FAM111B: variants seen among roughly 807,000 people sequenced by gnomAD.
The protein encoded by FAM111B is FAM111 trypsin like peptidase B, also known as serine protease FAM111B.
A neutral mutation model predicts 2.8 loss-of-function variants in FAM111B; 1 was observed. The observed-to-expected ratio is 0.36, with a 90% CI of 0.13 to 1.70. The LOEUF (loss-of-function observed/expected upper bound fraction) is 1.70, where lower values mean the gene tolerates loss of function less well. FAM111B is among the 40% of genes most tolerant of loss of function. The pLI, the probability that FAM111B is intolerant of heterozygous loss-of-function variation, is 0.35. For missense variants in FAM111B, 882 were observed against 878.9 expected (o/e 1.00, Z -0.04); for synonymous variants, 297 against 295.6 (o/e 1.00, Z -0.05).
At chr11:59,111,589 A>G (rs1400585525) in intron 3 of FAM111B, among the ~76,000 whole-genome samples, 1 of 152,186 alleles carries the variant, frequency 6.6e-6, no homozygotes, top group African/African-American at 2.4e-5. Flanking sequence ...TTTAAATTCA[A>G]CTTAACTAAA....
chr11:59,124,156 C>A (rs1859967152), intron 3 of FAM111B, 23 bp from the exon 4 acceptor site: 1 of 1,515,002 alleles, frequency 6.6e-7, no homozygotes. Flanking sequence ...TCTTGTTAAC[C>A]TCTTTAATCT....
chr11:59,120,571 T>C (rs1163470449), intron 3 of FAM111B, among the ~76,000 whole-genome samples: 2 of 152,192 alleles, frequency 1.3e-5, no homozygotes, highest in Non-Finnish European at 2.9e-5. Flanking sequence ...GGTCAAGATG[T>C]CAGCAGAGTT....
At chr11:59,121,718 A>C (rs10896924) in intron 3 of FAM111B, among the ~76,000 whole-genome samples, 24,753 of 152,218 alleles carry the variant, frequency 0.16, 2,188 homozygotes, top group Non-Finnish European at 0.2. Context: ...GAGGATATTC[A>C]TAGCAAAATT....
chr11:59,120,187 T>C (rs1859899517), intron 3 of FAM111B, among the ~76,000 whole-genome samples: 1 of 152,208 alleles, frequency 6.6e-6, no homozygotes, highest in Admixed American at 6.5e-5. Flanking sequence ...TGTCAAGATA[T>C]ACTAATGAGT....
In FAM111B at chr11:59,125,009, A is replaced by T. The variant is rs1308685508; in HGVS notation, c.912A>T (p.Lys304Asn). ...AGAGTCTGATACAGTCTAAGAAAAA[A>T]GTCCACAAACCAAAGAAAGATGGAG... ...NHQSLIQSKKKVHKPKKDGET... is the reference protein window; with the variant it reads ...NHQSLIQSKKNVHKPKKDGET... Residue 304 changes from lysine to asparagine, a missense_variant, in exon 4 of 4, where the codon AAA (lysine) becomes AAT (asparagine). Coordinates refer to ENST00000343597, the MANE Select transcript of FAM111B (RefSeq NM_198947.4). The T allele has an allele frequency of 6.2e-7, 1 of 1,612,858 alleles. No individual in the cohort carries two copies. The highest frequency in any genetic ancestry group is 1.3e-5 in the African/African-American group (1 of 74,960).
At chr11:59,110,204 A>G (rs1352963283) in intron 3 of FAM111B, among the ~76,000 whole-genome samples, 3 of 152,168 alleles carry the variant, frequency 2.0e-5, no homozygotes, top group Admixed American at 6.5e-5. Flanking sequence ...GACCCACACT[A>G]TTTTGCTCAA....
At chr11:59,122,683 A>G (rs924646741) in intron 3 of FAM111B, among the ~76,000 whole-genome samples, 1 of 152,196 alleles carries the variant, frequency 6.6e-6, no homozygotes, top group Non-Finnish European at 1.5e-5. Context: ...TGCCTCTGAC[A>G]TATCCAAGAG....
chr11:59,124,132 T>G, intron 3 of FAM111B, 47 bp from the exon 4 acceptor site: 1 of 1,323,090 alleles, frequency 7.6e-7, no homozygotes, highest in Non-Finnish European at 1.0e-6. Context: ...ATATAAAACA[T>G]TATTAAAGGT....
Position 59,125,160 on chromosome 11 carries a change from C to T in FAM111B, c.1063C>T (p.Arg355Ter), listed in dbSNP as rs906759516. Residue 355 changes from arginine to a stop codon, truncating the protein, a stop_gained, in exon 4 of 4, where the codon CGA becomes TGA. Transcript: ENST00000343597. LOFTEE classifies it low-confidence loss of function (END_TRUNC). ...AAATTATTACTTTTGTAGTTTGCCCCGAAAATATAGGCAAATAAACTCACA... is the reference window on the plus strand; with the variant it reads ...AAATTATTACTTTTGTAGTTTGCCCTGAAAATATAGGCAAATAAACTCACA... ...IRNYYFCSLPRKYRQINSQVR... is the reference protein window; with the variant it reads ...IRNYYFCSLP 15 of 1,613,676 alleles carry T rather than the reference C, an allele frequency of 9.3e-6. No individual in the cohort carries two copies. The highest frequency in any genetic ancestry group is 5.3e-5 in the African/African-American group (4 of 74,840).
In FAM111B at chr11:59,119,638, A is replaced by T. The variant is rs539323141; in HGVS notation, c.82-4541A>T. On this transcript the variant is annotated intron_variant, in intron 3 of 3. Coordinates refer to ENST00000343597, the MANE Select transcript of FAM111B (RefSeq NM_198947.4). ...TCTTGGCTGCCCCTATTACTATCAAATACATAAATATAAACATACCAGAAG... is the reference window on the plus strand; with the variant it reads ...TCTTGGCTGCCCCTATTACTATCAATTACATAAATATAAACATACCAGAAG... Among the ~76,000 whole-genome samples, 11 of 152,296 alleles carry T rather than the reference A, an allele frequency of 7.2e-5. No individual in the cohort carries two copies. The South Asian group carries it at 2.3e-3, about 32-fold the overall frequency.
In FAM111B at chr11:59,126,228, G is replaced by A. The variant is rs1050176474; in HGVS notation, c.2131G>A (p.Glu711Lys). ...LYKSLNDEKLETYDEEKGKQE... is the reference protein window; with the variant it reads ...LYKSLNDEKLKTYDEEKGKQE... Reference sequence around the variant, plus strand: ...TAAATCATTAAATGATGAGAAACTTGAGACCTACGATGAAGAGAAAGGTAA... The same window carrying A: ...TAAATCATTAAATGATGAGAAACTTAAGACCTACGATGAAGAGAAAGGTAA... The change falls in exon 4 of 4, where the codon GAG becomes AAG. Residue 711 changes from glutamate (E) to lysine (K), a missense_variant. By Grantham distance (56) the Glu-to-Lys change is moderately conservative. Transcript: ENST00000343597. 2.5e-6 allele frequency: 4 copies of A among 1,602,106 alleles called. No individual in the cohort carries two copies. The African/African-American group carries it at 5.4e-5, about 22-fold the overall frequency.
Position 59,109,601 on chromosome 11 carries a change from T to C in FAM111B, c.-25T>C, listed in dbSNP as rs1300592684. The stretch of plus-strand genomic sequence containing the variant: ...CTCCATCTTATCGAGTAGTAGAAGT[T>C]AGTTACATTCTCTTTGAACTCATCA... On this transcript the variant is annotated 5_prime_UTR_variant, in exon 3 of 4. Transcript: ENST00000343597. The C allele has an allele frequency of 6.7e-7, 1 of 1,493,734 alleles. No homozygotes were observed. Among genetic ancestry groups the C allele is most frequent in the Non-Finnish European group, 9.2e-7 (1 of 1,085,888 alleles). 92.5% of individuals were successfully genotyped at this position (1,493,734 alleles called of 1,614,324 possible).
chr11:59,127,276 A>G lies in FAM111B; in HGVS notation c.*974A>G, dbSNP rs1590896612. 6.6e-6 allele frequency: 1 copy of G among 152,120 alleles called. No individual in the cohort carries two copies. Among genetic ancestry groups the G allele is most frequent in the Non-Finnish European group, 1.5e-5 (1 of 67,982 alleles). 9.4% of individuals were successfully genotyped at this position (152,120 alleles called of 1,614,324 possible). On this transcript the variant is annotated 3_prime_UTR_variant, in exon 4 of 4. Coordinates refer to ENST00000343597, the MANE Select transcript of FAM111B (RefSeq NM_198947.4). The stretch of plus-strand genomic sequence containing the variant: ...GAGGGTGAAGACTGAAAAACTGCCT[A>G]TGGGGTACTATGCTTATTACCTGGG...
In FAM111B at chr11:59,124,886, C is replaced by A; in HGVS notation, c.789C>A (p.Val263=). ...QSMVDEVSGK[V]LEMDISKKKA... ...TGGTGGATGAAGTATCTGGAAAAGT[C>A]TTAGAAATGGACATTTCAAAAAAAA... Residue 263 remains valine (V), a synonymous_variant, in exon 4 of 4, where the codon GTC becomes GTA. Coordinates refer to ENST00000343597, the MANE Select transcript of FAM111B (RefSeq NM_198947.4). 1.2e-6 allele frequency: 2 copies of A among 1,605,110 alleles called. No homozygotes were observed. The highest frequency in any genetic ancestry group is 8.5e-7 in the Non-Finnish European group (1 of 1,177,302).
chr11:59,113,336 C>G (rs1859788679), intron 3 of FAM111B, among the ~76,000 whole-genome samples: 1 of 152,058 alleles, frequency 6.6e-6, no homozygotes, highest in African/African-American at 2.4e-5. Flanking sequence ...TGTGGGGTAC[C>G]TGGGAGAATA....
In FAM111B at chr11:59,125,889, C is replaced by G; in HGVS notation, c.1792C>G (p.Arg598Gly). ...DGCTVIPLNE[R>G]LKKYPNDCQD... ...TTGTACTGTGATTCCTCTAAACGAA[C>G]GATTGAAAAAATATCCAAACGATTG... The change falls in exon 4 of 4, where the codon CGA (arginine) becomes GGA (glycine). Residue 598 changes from arginine to glycine, a missense_variant. Coordinates refer to ENST00000343597, the MANE Select transcript of FAM111B (RefSeq NM_198947.4). The G allele has an allele frequency of 6.2e-7, 1 of 1,613,744 alleles. No homozygotes were observed.
Position 59,124,648 on chromosome 11 carries a change from T to C in FAM111B, c.551T>C (p.Ile184Thr), listed in dbSNP as rs762990447. Residue 184 changes from isoleucine (I) to threonine (T), a missense_variant, in exon 4 of 4, where the codon ATT (isoleucine) becomes ACT (threonine). Physicochemically the swap from Ile to Thr is moderately conservative, Grantham distance 89. Transcript: ENST00000343597. ...RQCENPNMEC[I>T]LFHVVAIGRT... ...TGTGAAAATCCAAACATGGAATGCATTCTTTTTCATGTTGTTGCTATAGGA... is the reference window on the plus strand; with the variant it reads ...TGTGAAAATCCAAACATGGAATGCACTCTTTTTCATGTTGTTGCTATAGGA... The C allele has an allele frequency of 2.5e-6, 4 of 1,613,870 alleles. No homozygotes were observed. The South Asian group carries it at 3.3e-5, about 13-fold the overall frequency.
intron 3 of FAM111B, among the ~76,000 whole-genome samples, chr11:59,111,160 A>C (rs768378174): frequency 6.6e-6 from 1 of 152,164 alleles, no homozygotes; most frequent in African/African-American, 2.4e-5. Flanking sequence ...TACTCTCCCT[A>C]TAATGAGTCT....
At position 59,124,617 on chromosome 11, in the gene FAM111B, C is replaced by T. The variant is rs200180340; in HGVS notation, c.520C>T (p.Arg174Cys). 1.2e-4 allele frequency: 194 copies of T among 1,613,652 alleles called. No individual in the cohort carries two copies. Among genetic ancestry groups the T allele is most frequent in the Middle Eastern group, 1.2e-3 (7 of 6,082 alleles). The change falls in exon 4 of 4, where the codon CGC becomes TGC. Residue 174 changes from arginine to cysteine, a missense_variant. Physicochemically the swap from Arg to Cys is radical, Grantham distance 180. Coordinates refer to ENST00000343597, the MANE Select transcript of FAM111B (RefSeq NM_198947.4). ...TAGCAAAGAAGATGGACACATATTA[C>T]GCCAATGTGAAAATCCAAACATGGA... ...KSSKEDGHIL[R>C]QCENPNMECI... is the part of the protein sequence containing the mutation.
Sources: allele counts gnomAD v4.1 joint callset (sites outside exome capture counted in the v4.1 genomes callset), GRCh38; gene constraint gnomAD v4.1.1; transcripts MANE v1.5; gene names NCBI Gene and HGNC (gene_info 2026-07-23, HGNC 2026-07-21).